Variants in FAF1 observed in about 807,000 individuals in gnomAD.
FAF1 encodes FAS-associated factor 1.
A neutral mutation model predicts 92.5 loss-of-function variants in FAF1; 25 were observed. The observed-to-expected ratio is 0.27, with a 90% CI of 0.20 to 0.38. The LOEUF is 0.38. FAF1 is among the 10% of genes least tolerant of loss of function. The probability of loss-of-function intolerance (pLI) is 1.00; values close to 1 mark genes in which losing one functional copy is unlikely to be tolerated. For missense variants in FAF1, 636 were observed against 793.3 expected (o/e 0.80, Z 2.38); for synonymous variants, 234 against 273.2 (o/e 0.86, Z 1.42).
Position 50,959,994 on chromosome 1 carries a change from G to A in FAF1, c.-183C>T. The A allele has an allele frequency of 2.5e-6, 1 of 394,412 alleles. No individual in the cohort carries two copies. The highest frequency in any genetic ancestry group is 4.4e-6 in the Non-Finnish European group (1 of 225,070). The allele number at this position is 394,412 out of a possible 1,614,324, so 24.4% of individuals were successfully genotyped here. A position where few individuals can be genotyped will look rare whatever the true frequency, so the allele number is the denominator to read the frequency against. On this transcript the variant is annotated 5_prime_UTR_variant, in exon 1 of 19. Transcript: ENST00000396153. ...AGCGCGGGAAGCGCTAGGCGCTCAT[G>A]CACTCGGTAACCTTCAGGCGCCCCG... is the stretch of plus-strand genomic sequence containing the variant.
chr1:50,737,822 G>A (rs956127863), intron 6 of FAF1, among the ~76,000 whole-genome samples: 2 of 152,050 alleles, frequency 1.3e-5, no homozygotes, highest in African/African-American at 4.8e-5. Context: ...GGGAAAGCTT[G>A]ACAATGTTCA....
At chr1:50,694,661 G>A (rs908254334) in intron 7 of FAF1, among the ~76,000 whole-genome samples, 5 of 151,618 alleles carry the variant, frequency 3.3e-5, no homozygotes, top group African/African-American at 4.8e-5. Flanking sequence ...GTTATGGCAT[G>A]TAGGCCAGGC....
intron 18 of FAF1, among the ~76,000 whole-genome samples, chr1:50,461,964 A>G (rs1394876241): frequency 6.7e-6 from 1 of 148,326 alleles, no homozygotes; most frequent in Non-Finnish European, 1.5e-5. Flanking sequence ...CACCAGCTAT[A>G]CTATTAGATT....
At chr1:50,486,435 C>T (rs183386475) in intron 17 of FAF1, among the ~76,000 whole-genome samples, 21 of 152,094 alleles carry the variant, frequency 1.4e-4, no homozygotes, top group Non-Finnish European at 2.4e-4. Context: ...CTTTGGTGTC[C>T]ATCCAACCAT....
chr1:50,680,084 T>C (rs999982240), intron 7 of FAF1, among the ~76,000 whole-genome samples: 2 of 152,316 alleles, frequency 1.3e-5, no homozygotes, highest in Admixed American at 6.5e-5. Flanking sequence ...TAATTCAGAA[T>C]TAGGAAATCT....
chr1:50,549,320 T>C (rs1482973702), intron 13 of FAF1, among the ~76,000 whole-genome samples: 1 of 152,162 alleles, frequency 6.6e-6, no homozygotes, highest in Non-Finnish European at 1.5e-5. Context: ...TTTGGATTTC[T>C]TTTAAAGGGG....
At chr1:50,639,514 C>T (rs753922908) in intron 8 of FAF1, among the ~76,000 whole-genome samples, 11 of 152,188 alleles carry the variant, frequency 7.2e-5, no homozygotes, top group African/African-American at 2.7e-4. Context: ...AAATTAGTTA[C>T]ATTGGTTGAT....
intron 9 of FAF1, among the ~76,000 whole-genome samples, chr1:50,585,880 T>TAAAAAA (rs958484582): frequency 4.4e-4 from 40 of 90,632 alleles, no homozygotes; most frequent in South Asian, 1.5e-3. Flanking sequence ...CATCTCTACA[T>TAAAAAA]AAAAAAAAAA....
chr1:50,599,689 A>G (rs1444191829), intron 8 of FAF1, among the ~76,000 whole-genome samples: 2 of 152,222 alleles, frequency 1.3e-5, no homozygotes, highest in Non-Finnish European at 2.9e-5. Context: ...ACAGCATACC[A>G]AAGTATAATG....
intron 2 of FAF1, among the ~76,000 whole-genome samples, chr1:50,813,903 T>C (rs1569990406): frequency 6.6e-6 from 1 of 152,178 alleles, no homozygotes; most frequent in East Asian, 1.9e-4. Flanking sequence ...ATAGTTCCTC[T>C]TTGTCTTCAG....
intron 1 of FAF1, among the ~76,000 whole-genome samples, chr1:50,958,775 T>C (rs1346304553): frequency 3.3e-5 from 5 of 152,168 alleles, no homozygotes; most frequent in Admixed American, 3.3e-4. Flanking sequence ...GGAAAAATAC[T>C]GCCTACTAAG....
intron 13 of FAF1, among the ~76,000 whole-genome samples, chr1:50,549,542 G>A (rs1018342874): frequency 2.6e-5 from 4 of 152,098 alleles, no homozygotes; most frequent in African/African-American, 9.7e-5. Context: ...CACTTTGGGA[G>A]GCTGAGGTGG....
intron 2 of FAF1, among the ~76,000 whole-genome samples, chr1:50,831,082 T>C (rs909414613): frequency 5.3e-5 from 8 of 151,836 alleles, no homozygotes; most frequent in Non-Finnish European, 1.0e-4. Flanking sequence ...CCATAGTATA[T>C]AGAAAAATTC....
chr1:50,578,166 TTGTTTTTATTTACTCTTGGAACTCAA>T (rs1054853938), intron 12 of FAF1, among the ~76,000 whole-genome samples: 44 of 152,210 alleles, frequency 2.9e-4, no homozygotes, highest in African/African-American at 1.1e-3. Flanking sequence ...ACCTTCAATC[TTGTTTTTATTTACTCTTGGAACTCAA>T]TTTCTCACTT....
chr1:50,825,119 C>T (rs1392812657), intron 2 of FAF1, among the ~76,000 whole-genome samples: 1 of 152,026 alleles, frequency 6.6e-6, no homozygotes, highest in Non-Finnish European at 1.5e-5. Context: ...ATGCTCCCAA[C>T]ACAAAGAAAT....
At chr1:50,828,768 C>G (rs962106902) in intron 2 of FAF1, among the ~76,000 whole-genome samples, 2 of 152,076 alleles carry the variant, frequency 1.3e-5, no homozygotes, top group Non-Finnish European at 2.9e-5. Flanking sequence ...TCTTTGAAAA[C>G]AGGATCCAAA....
chr1:50,642,402 G>A (rs1654378997), intron 8 of FAF1, among the ~76,000 whole-genome samples: 1 of 151,916 alleles, frequency 6.6e-6, no homozygotes, highest in Non-Finnish European at 1.5e-5. Context: ...TGTAATCCCA[G>A]CACTTTGGGA....
chr1:50,484,180 AATCTCT>A (rs984419907), intron 17 of FAF1, among the ~76,000 whole-genome samples: 9 of 152,312 alleles, frequency 5.9e-5, no homozygotes, highest in African/African-American at 2.2e-4. Context: ...TTCTGCAGTC[AATCTCT>A]ATTCCTGGCA....
chr1:50,854,258 C>G (rs995047274), intron 2 of FAF1, among the ~76,000 whole-genome samples: 13 of 152,006 alleles, frequency 8.6e-5, no homozygotes, highest in African/African-American at 2.9e-4. Context: ...TTATAATGTT[C>G]ATGTAGCACA....
Sources: allele counts gnomAD v4.1 joint callset (sites outside exome capture counted in the v4.1 genomes callset), GRCh38; gene constraint gnomAD v4.1.1; transcripts MANE v1.5; gene names NCBI Gene and HGNC (gene_info 2026-07-23, HGNC 2026-07-21).